PLEKHG1: variants seen among roughly 807,000 people sequenced by gnomAD.
The protein encoded by PLEKHG1 is pleckstrin homology and RhoGEF domain containing G1, also known as pleckstrin homology domain-containing family G member 1.
PLEKHG1 carries 44 observed loss-of-function variants against 100.8 expected under a neutral mutation model. The ratio of observed to expected loss-of-function variants is 0.44; its 90% CI spans 0.34 to 0.56. The LOEUF is 0.56. Among genes scored for constraint, PLEKHG1 ranks in the 20% least tolerant of loss-of-function variants. The pLI, the probability that PLEKHG1 is intolerant of heterozygous loss-of-function variation, is 0.01. For missense variants in PLEKHG1, 1,545 were observed against 1,720.9 expected, an observed-to-expected ratio of 0.90 and a Z score of 1.81; for synonymous variants, 640 against 662.5, an observed-to-expected ratio of 0.97 and a Z score of 0.52.
intron 3 of PLEKHG1, among the ~76,000 whole-genome samples, chr6:150,715,163 G>GA (rs1283842030): frequency 2.0e-5 from 3 of 151,868 alleles, no homozygotes; most frequent in Non-Finnish European, 2.9e-5. Context: ...ATTTCACTTT[G>GA]AAAAAAGGCC....
intron 3 of PLEKHG1, among the ~76,000 whole-genome samples, chr6:150,654,612 C>T (rs933922501): frequency 2.0e-5 from 3 of 152,192 alleles, no homozygotes; most frequent in Non-Finnish European, 2.9e-5. Context: ...CTGCTTTTTA[C>T]CTCTAAGACT....
At chr6:150,800,996 A>G (rs1786667865) in intron 6 of PLEKHG1, 127 bp downstream of exon 7, 1 of 734,866 alleles carries the variant, frequency 1.4e-6, no homozygotes, top group South Asian at 1.8e-5. Flanking sequence ...CATATTTCAC[A>G]ACTGACTAAT....
chr6:150,732,687 G>A (rs1348424468), intron 1 of PLEKHG1, among the ~76,000 whole-genome samples: 5 of 152,146 alleles, frequency 3.3e-5, no homozygotes, highest in African/African-American at 1.2e-4. Context: ...GCAGGATCTC[G>A]GCTCACTGCA....
At chr6:150,633,925 T>C (rs1304371014) in intron 1 of PLEKHG1, among the ~76,000 whole-genome samples, 1 of 151,966 alleles carries the variant, frequency 6.6e-6, no homozygotes. Context: ...CCCTTTTCTG[T>C]ACCTGAGGGA....
chr6:150,718,372 G>T (rs1261679389), upstream of PLEKHG1, among the ~76,000 whole-genome samples: 1 of 152,094 alleles, frequency 6.6e-6, no homozygotes, highest in Non-Finnish European at 1.5e-5. Context: ...AGAAACCAGG[G>T]TCTTAAGAAA....
intron 10 of PLEKHG1, among the ~76,000 whole-genome samples, chr6:150,812,420 A>G (rs1342278593): frequency 6.6e-6 from 1 of 152,154 alleles, no homozygotes; most frequent in Middle Eastern, 3.2e-3. Flanking sequence ...ATGTCTGAGG[A>G]GAAGGCACTG....
At chr6:150,790,696 C>T (rs1246159552) in intron 4 of PLEKHG1, among the ~76,000 whole-genome samples, 1 of 152,108 alleles carries the variant, frequency 6.6e-6, no homozygotes, top group Non-Finnish European at 1.5e-5. Context: ...GTAGTATATC[C>T]ACGTAATGAA....
chr6:150,793,154 T>C (rs1786095544), intron 4 of PLEKHG1, among the ~76,000 whole-genome samples: 1 of 152,034 alleles, frequency 6.6e-6, no homozygotes, highest in Non-Finnish European at 1.5e-5. Flanking sequence ...TGTAATCTCC[T>C]ACACTTTGGG....
At chr6:150,804,191 TTTTTTTTTTTTTC>T (rs1583163331) in intron 6 of PLEKHG1, among the ~76,000 whole-genome samples, 4 of 80,042 alleles carry the variant, frequency 5.0e-5, no homozygotes, top group African/African-American at 6.2e-5. Flanking sequence ...TTTTTTTTTT[TTTTTTTTTTTTTC>T]GAGGCAGAGT....
intron 7 of PLEKHG1, among the ~76,000 whole-genome samples, chr6:150,805,055 C>T (rs1161962524): frequency 6.6e-6 from 1 of 152,034 alleles, no homozygotes. Flanking sequence ...TCCCCCTCAG[C>T]CTCCCGAGTA....
At chr6:150,628,522 A>G (rs929395473) in intron 1 of PLEKHG1, among the ~76,000 whole-genome samples, 29 of 142,096 alleles carry the variant, frequency 2.0e-4, no homozygotes, top group African/African-American at 7.0e-4. Flanking sequence ...GTATGTAGAT[A>G]GGAAAACACA....
At chr6:150,839,965 T>G in exon 16 of PLEKHG1, 1 of 1,614,114 alleles carries the variant, frequency 6.2e-7, no homozygotes, top group Non-Finnish European at 8.5e-7. Context: ...CCTTCCCAGG[T>G]CCACCATGGT....
At chr6:150,733,466 T>C (rs868793302) in intron 1 of PLEKHG1, 118 bp from the exon 3 acceptor site, 7 of 835,406 alleles carry the variant, frequency 8.4e-6, no homozygotes, top group Middle Eastern at 2.9e-4. Flanking sequence ...GCATCCCTTC[T>C]GTAATTGGCC....
chr6:150,800,317 C>CCT (rs1562528928), intron 5 of PLEKHG1, among the ~76,000 whole-genome samples: 2 of 152,152 alleles, frequency 1.3e-5, no homozygotes, highest in Admixed American at 1.3e-4. Flanking sequence ...ACAAAAAGTG[C>CCT]CTAGTCTTTA....
At position 150,665,693 on chromosome 6, in the gene PLEKHG1, C is replaced by CT. The variant is rs143485793; in HGVS notation, c.-99+14918dup. Among the ~76,000 whole-genome samples the CT allele has an allele frequency of 6.7e-3, 982 of 146,038 alleles. 4 individuals are homozygous for CT. The highest frequency in any genetic ancestry group is 0.022 in the African/African-American group (874 of 39,944). ...TTAATATGAAGGCTGAGCAGGGGGA[C>CT]TTTTTTTTTTTCAGTTTCTTTACTG... is the stretch of plus-strand genomic sequence containing the variant. On this transcript the variant is annotated intron_variant, in intron 3 of 3. Coordinates refer to the PLEKHG1 transcript ENST00000367326.
chr6:150,619,698 T>C (rs1777216088), intron 1 of PLEKHG1, among the ~76,000 whole-genome samples: 1 of 152,100 alleles, frequency 6.6e-6, no homozygotes, highest in Non-Finnish European at 1.5e-5. Flanking sequence ...GTAAAGAAAA[T>C]AAAATGTGTG....
intron 1 of PLEKHG1, among the ~76,000 whole-genome samples, chr6:150,635,542 C>G (rs1268990572): frequency 6.6e-6 from 1 of 152,152 alleles, no homozygotes; most frequent in Non-Finnish European, 1.5e-5. Flanking sequence ...ACTTATAGGA[C>G]AATATCTGAG....
In PLEKHG1 at chr6:150,809,109, T is replaced by TA; in HGVS notation, c.918dup (p.Gln307ThrfsTer6). ...ATGGCCCATTCCCTTTCTCAGGAGA[T>TA]ACAGAGTTTGCTCACTAACTGGAAG... On this transcript the variant is annotated frameshift_variant, in exon 8 of 16. Transcript: ENST00000358517. LOFTEE classifies it high-confidence loss of function. The TA allele has an allele frequency of 6.2e-7, 1 of 1,613,336 alleles. No homozygotes were observed. The highest frequency in any genetic ancestry group is 8.5e-7 in the Non-Finnish European group (1 of 1,179,372).
In PLEKHG1 at chr6:150,831,159, C is replaced by T; in HGVS notation, c.2048C>T (p.Pro683Leu). Reference sequence around the variant, plus strand: ...AAGCGGGAAGAAGCTGAATCCACTCCCTCTAAATCAGCCAGGGACTCCGTT... The same window carrying T: ...AAGCGGGAAGAAGCTGAATCCACTCTCTCTAAATCAGCCAGGGACTCCGTT... Residue 683 changes from proline to leucine, a missense_variant, in exon 15 of 16, where the codon CCC becomes CTC. Pro to Leu is a moderately conservative substitution (Grantham distance 98). Transcript: ENST00000358517. This position sits in a 1 kb window ranked among gnomAD's most constrained non-coding sequence, Gnocchi z 4.1. The T allele has an allele frequency of 6.2e-7, 1 of 1,613,862 alleles. No homozygotes were observed. The highest frequency in any genetic ancestry group is 1.7e-5 in the Admixed American group (1 of 60,008).
Sources: gnomAD v4.1 joint callset for allele counts (sites outside exome capture counted in the v4.1 genomes callset) on GRCh38, gnomAD v4.1.1 for gene constraint, Gnocchi (gnomAD v3.1) non-coding constraint, MANE v1.5 for transcripts, NCBI Gene and HGNC (gene_info 2026-07-23, HGNC 2026-07-21) for gene names.